Variants in MPP2 observed in about 807,000 individuals in gnomAD.
The protein encoded by MPP2 is MAGUK p55 scaffold protein 2.
In MPP2, 42 loss-of-function variants were observed where a neutral mutation model predicts 58.5. The ratio of observed to expected loss-of-function variants is 0.72; its 90% CI spans 0.56 to 0.93. The LOEUF is 0.93. Ranked by LOEUF, MPP2 falls within the 40% of genes least tolerant of loss-of-function variation. The pLI, the probability that MPP2 is intolerant of heterozygous loss-of-function variation, is 0.00. For synonymous variants in MPP2, 300 were observed against 307.8 expected, an observed-to-expected ratio of 0.97 and a Z score of 0.26; for missense variants, 632 against 760.4, an observed-to-expected ratio of 0.83 and a Z score of 1.99.
At chr17:43,899,561 A>G (rs547680201) in intron 2 of MPP2, among the ~76,000 whole-genome samples, 1 of 152,304 alleles carries the variant, frequency 6.6e-6, no homozygotes, top group South Asian at 2.1e-4. Context: ...TTCAGCTCTG[A>G]GTGACAATGA....
chr17:43,880,592 C>T lies in MPP2; in HGVS notation c.1150+99G>A. On this transcript the variant is annotated intron_variant, in intron 10 of 12. Coordinates refer to ENST00000269095, the MANE Select transcript of MPP2 (RefSeq NM_005374.5). This position sits in a 1 kb window ranked among gnomAD's most constrained non-coding sequence, Gnocchi z 5.2. ...CCGTGTACCCAAAGGTACCACCTGG[C>T]CTGGTGCCCATGAAGATGCCCATTC... 1 of 1,391,382 alleles carries T rather than the reference C, an allele frequency of 7.2e-7. No homozygotes were observed. Among genetic ancestry groups the T allele is most frequent in the Non-Finnish European group, 9.7e-7 (1 of 1,033,666 alleles). 86.2% of individuals were successfully genotyped at this position (1,391,382 alleles called of 1,614,324 possible).
At chr17:43,894,864 G>T (rs1376497569) in intron 3 of MPP2, among the ~76,000 whole-genome samples, 1 of 151,914 alleles carries the variant, frequency 6.6e-6, no homozygotes, top group Non-Finnish European at 1.5e-5. Flanking sequence ...GATCATTTGA[G>T]CCCAGGAGTT....
intron 3 of MPP2, among the ~76,000 whole-genome samples, chr17:43,883,755 G>A (rs922858554): frequency 6.6e-6 from 1 of 152,076 alleles, no homozygotes; most frequent in Non-Finnish European, 1.5e-5. Flanking sequence ...GGAAATTAGG[G>A]AGGTAGAATA....
intron 3 of MPP2, among the ~76,000 whole-genome samples, chr17:43,895,883 A>G (rs371709505): frequency 1.3e-5 from 2 of 152,118 alleles, no homozygotes; most frequent in East Asian, 1.9e-4. Context: ...ATCTCCTCCA[A>G]TCTGCTCAGT....
At chr17:43,884,673 T>C (rs898756844) in intron 3 of MPP2, among the ~76,000 whole-genome samples, 6 of 152,266 alleles carry the variant, frequency 3.9e-5, no homozygotes, top group African/African-American at 1.4e-4. Flanking sequence ...ACTTTGAGAC[T>C]ATGTGACTAT....
At chr17:43,895,107 T>C (rs1424395599) in intron 3 of MPP2, among the ~76,000 whole-genome samples, 2 of 151,010 alleles carry the variant, frequency 1.3e-5, no homozygotes, top group South Asian at 4.2e-4. Context: ...CCAAACTTTT[T>C]ATTTATTTAT....
chr17:43,875,802 C>T lies in MPP2; in HGVS notation c.*2005G>A, dbSNP rs2046799784. ...TGAAGGCCAGGTACCCAACCCATCT[C>T]CATCAGAGATGATGGTCATTTGGAT... is the stretch of plus-strand genomic sequence containing the variant. On this transcript the variant is annotated 3_prime_UTR_variant, in exon 13 of 13. Transcript: ENST00000269095. The T allele has an allele frequency of 6.6e-6, 1 of 152,216 alleles. No homozygotes were observed. The highest frequency in any genetic ancestry group is 2.4e-5 in the African/African-American group (1 of 41,428). The allele number at this position is 152,216 out of a possible 1,614,324, so 9.4% of individuals were successfully genotyped here.
chr17:43,881,176 G>A lies in MPP2; in HGVS notation c.920-18C>T. The A allele has an allele frequency of 6.2e-7, 1 of 1,614,022 alleles. No homozygotes were observed. The highest frequency in any genetic ancestry group is 1.6e-4 in the Middle Eastern group (1 of 6,062). On this transcript the variant is annotated intron_variant, in intron 8 of 12. Coordinates refer to ENST00000269095, the MANE Select transcript of MPP2 (RefSeq NM_005374.5). ...TAGGGTCCCTGGCCATAGGGAGATGGGTGAGTGAGGCAGACAGGGCCCTGT... is the reference window on the plus strand; with the variant it reads ...TAGGGTCCCTGGCCATAGGGAGATGAGTGAGTGAGGCAGACAGGGCCCTGT...
Position 43,904,486 on chromosome 17 carries a change from C to T in MPP2, c.-26G>A, listed in dbSNP as rs1567907176. On this transcript the variant is annotated 5_prime_UTR_variant, in exon 2 of 13. Transcript: ENST00000269095. ...GGTGAAGGAGGCAAGGGCTCTGAAA[C>T]GTCTCTCCTGGAGAGGGGAGAGAGG... The T allele has an allele frequency of 1.2e-6, 2 of 1,613,824 alleles. No homozygotes were observed. Among genetic ancestry groups the T allele is most frequent in the Non-Finnish European group, 1.7e-6 (2 of 1,179,806 alleles).
intron 6 of MPP2, 98 bp downstream of exon 6, chr17:43,882,186 G>A (rs984370555): frequency 8.4e-7 from 1 of 1,194,368 alleles, no homozygotes; most frequent in East Asian, 2.3e-5. Context: ...CTTCCCTGGA[G>A]GAAACCAGTA....
In MPP2 at chr17:43,883,344, C is replaced by A; in HGVS notation, c.162G>T (p.Arg54Ser). The change falls in exon 4 of 13, where the codon AGG (arginine) becomes AGT (serine). Residue 54 changes from arginine to serine, a missense_variant. Coordinates refer to ENST00000269095, the MANE Select transcript of MPP2 (RefSeq NM_005374.5). Reference sequence around the variant, plus strand: ...CGGCCTCCAGCTTCGTCTCCTCCAGCCTCTCATGGGCCTGGGGGTGGAAGC... The same window carrying A: ...CGGCCTCCAGCTTCGTCTCCTCCAGACTCTCATGGGCCTGGGGGTGGAAGC... ...IVRSLAKAHE[R>S]LEETKLEAVR... 2.5e-6 allele frequency: 4 copies of A among 1,611,596 alleles called. No individual in the cohort carries two copies. The highest frequency in any genetic ancestry group is 3.4e-6 in the Non-Finnish European group (4 of 1,179,850).
intron 2 of MPP2, among the ~76,000 whole-genome samples, chr17:43,899,300 T>C (rs1023929214): frequency 6.6e-6 from 1 of 152,036 alleles, no homozygotes. Context: ...ACTCAACCTC[T>C]AGATGGGCTG....
At chr17:43,908,288 A>G (rs1254360486), upstream of MPP2, among the ~76,000 whole-genome samples, 3 of 152,190 alleles carry the variant, frequency 2.0e-5, no homozygotes, top group East Asian at 5.8e-4. Flanking sequence ...CTGGGCCTCC[A>G]AATACGGGAG....
intron 3 of MPP2, among the ~76,000 whole-genome samples, chr17:43,891,574 G>A (rs556640393): frequency 2.5e-4 from 38 of 151,658 alleles, no homozygotes; most frequent in African/African-American, 8.7e-4. Context: ...GACTCTGAGG[G>A]ATAGGTATCA....
chr17:43,892,880 G>T lies in MPP2; in HGVS notation c.150+5382C>A, dbSNP rs982223122. Among the ~76,000 whole-genome samples, 13 of 152,324 alleles carry T rather than the reference G, an allele frequency of 8.5e-5. No individual in the cohort carries two copies. The East Asian group carries it at 2.5e-3, about 29-fold the overall frequency. On this transcript the variant is annotated intron_variant, in intron 3 of 12. Transcript: ENST00000269095. ...TGGGGCATTGTGGTGTCCAGTGAAA[G>T]GAAGACAGACTTGGGCTTCATCAGG...
intron 1 of MPP2, among the ~76,000 whole-genome samples, chr17:43,904,781 T>C (rs538132612): frequency 6.6e-6 from 1 of 152,330 alleles, no homozygotes; most frequent in East Asian, 1.9e-4. Context: ...AATCCAGGTT[T>C]TATGACTCAA....
Position 43,883,252 on chromosome 17 carries a change from C to T in MPP2, c.254G>A (p.Ser85Asn). Residue 85 changes from serine (S) to asparagine (N), a missense_variant, in exon 4 of 13, where the codon AGC becomes AAC. Physicochemically the swap from Ser to Asn is conservative, Grantham distance 46. Coordinates refer to ENST00000269095, the MANE Select transcript of MPP2 (RefSeq NM_005374.5). ...LRDLAQLAEQ[S>N]STAAELAHIL... is the part of the protein sequence containing the mutation. ...GTGGGCCAGCTCGGCGGCTGTGCTG[C>T]TCTGCTCAGCCAGCTGCGCCAGGTC... 6.2e-7 allele frequency: 1 copy of T among 1,611,046 alleles called. No individual in the cohort carries two copies. The highest frequency in any genetic ancestry group is 1.1e-5 in the South Asian group (1 of 90,478).
chr17:43,890,656 T>C (rs962409496), intron 3 of MPP2, among the ~76,000 whole-genome samples: 1 of 152,126 alleles, frequency 6.6e-6, no homozygotes, highest in African/African-American at 2.4e-5. Context: ...TTAATCTGGG[T>C]TTGACAGATG....
rs71385004 is a variant in MPP2, at chr17:43,879,770, G to C, written c.1353+12C>G. ...ACATTGGGCAGGCTGGGAAGGAGCAGAGTGGCGGTACCTGGGGGTTGACAT... is the reference window on the plus strand; with the variant it reads ...ACATTGGGCAGGCTGGGAAGGAGCACAGTGGCGGTACCTGGGGGTTGACAT... On this transcript the variant is annotated intron_variant, in intron 11 of 12. Transcript: ENST00000269095. This position sits in a 1 kb window ranked among gnomAD's most constrained non-coding sequence, Gnocchi z 4.1. The C allele has an allele frequency of 6.2e-7, 1 of 1,612,712 alleles. No homozygotes were observed. The highest frequency in any genetic ancestry group is 8.5e-7 in the Non-Finnish European group (1 of 1,179,742).
Sources: allele counts gnomAD v4.1 joint callset (sites outside exome capture counted in the v4.1 genomes callset), GRCh38; gene constraint gnomAD v4.1.1; non-coding constraint Gnocchi (gnomAD v3.1); transcripts MANE v1.5; gene names NCBI Gene and HGNC (gene_info 2026-07-23, HGNC 2026-07-21).